MGST1: variants seen among roughly 807,000 people sequenced by gnomAD.
MGST1 encodes the protein microsomal glutathione S-transferase 1.
In MGST1, 5 loss-of-function variants were observed where a neutral mutation model predicts 8.9. The ratio of observed to expected loss-of-function variants is 0.56; its 90% CI spans 0.29 to 1.19. MGST1 has a LOEUF of 1.19. Ranked by LOEUF, MGST1 falls within the 50% of genes most tolerant of loss-of-function variation. The probability of loss-of-function intolerance (pLI) is 0.08; values close to 1 mark genes in which losing one functional copy is unlikely to be tolerated. For synonymous variants in MGST1, 54 were observed against 67.8 expected, an observed-to-expected ratio of 0.80 and a Z score of 1.00; for missense variants, 182 against 187.4, an observed-to-expected ratio of 0.97 and a Z score of 0.17.
intron 4 of MGST1, among the ~76,000 whole-genome samples, chr12:16,475,623 G>A (rs1941317712): frequency 6.6e-6 from 1 of 152,166 alleles, no homozygotes; most frequent in Non-Finnish European, 1.5e-5. Context: ...GAGGAGTGGA[G>A]TAGATAGCAA....
intron 4 of MGST1, among the ~76,000 whole-genome samples, chr12:16,512,004 T>G (rs1327473438): frequency 6.6e-6 from 1 of 152,220 alleles, no homozygotes; most frequent in Non-Finnish European, 1.5e-5. Flanking sequence ...TATATTTTTA[T>G]TTAGAAACAA....
chr12:16,451,934 T>C (rs1218383969), intron 4 of MGST1, among the ~76,000 whole-genome samples: 1 of 151,896 alleles, frequency 6.6e-6, no homozygotes, highest in Non-Finnish European at 1.5e-5. Context: ...TTAGCCATTT[T>C]AGGATAAAAT....
intron 4 of MGST1, among the ~76,000 whole-genome samples, chr12:16,480,025 GAATA>G (rs1941354021): frequency 6.6e-6 from 1 of 151,266 alleles, no homozygotes; most frequent in African/African-American, 2.4e-5. Context: ...GGAAACATAA[GAATA>G]AATCTTTATA....
chr12:16,563,000 C>G (rs1002546657), intron 4 of MGST1, among the ~76,000 whole-genome samples: 2 of 152,158 alleles, frequency 1.3e-5, no homozygotes, highest in African/African-American at 4.8e-5. Flanking sequence ...CTTAATTATT[C>G]TCTGCTGTAA....
intron 1 of MGST1, among the ~76,000 whole-genome samples, chr12:16,430,875 C>T (rs1940933048): frequency 6.6e-6 from 1 of 152,184 alleles, no homozygotes; most frequent in Non-Finnish European, 1.5e-5. Flanking sequence ...TTGGCTTCTC[C>T]TCTCTAGCTG....
chr12:16,506,228 C>T (rs1565466226), intron 4 of MGST1, among the ~76,000 whole-genome samples: 1 of 152,078 alleles, frequency 6.6e-6, no homozygotes, highest in Non-Finnish European at 1.5e-5. Flanking sequence ...GCCCTCATTC[C>T]CTGAACCCGA....
chr12:16,495,970 AC>A (rs1316104859), intron 4 of MGST1, among the ~76,000 whole-genome samples: 1 of 152,104 alleles, frequency 6.6e-6, no homozygotes, highest in Non-Finnish European at 1.5e-5. Context: ...TATTTATATG[AC>A]AAAAATATGA....
intron 4 of MGST1, among the ~76,000 whole-genome samples, chr12:16,493,558 G>C (rs575314150): frequency 6.6e-6 from 1 of 152,260 alleles, no homozygotes; most frequent in Admixed American, 6.5e-5. Context: ...GCCAAGTCCT[G>C]ATATAGCAGT....
At chr12:16,542,278 C>T (rs1328236714) in intron 4 of MGST1, among the ~76,000 whole-genome samples, 1 of 152,118 alleles carries the variant, frequency 6.6e-6, no homozygotes, top group Non-Finnish European at 1.5e-5. Flanking sequence ...GGTCCATATG[C>T]TGTTAGTAAG....
At chr12:16,507,126 C>G (rs1445664934) in intron 4 of MGST1, among the ~76,000 whole-genome samples, 4 of 152,078 alleles carry the variant, frequency 2.6e-5, no homozygotes, top group African/African-American at 9.7e-5. Context: ...AGAGAGTCTT[C>G]AAAGATGAAG....
At chr12:16,521,582 A>G (rs1025900549) in intron 4 of MGST1, among the ~76,000 whole-genome samples, 4 of 152,158 alleles carry the variant, frequency 2.6e-5, no homozygotes, top group Admixed American at 2.6e-4. Context: ...GTACTGAGAG[A>G]TTCAGAATCA....
chr12:16,466,179 G>C (rs905525459), intron 4 of MGST1, among the ~76,000 whole-genome samples: 4 of 152,078 alleles, frequency 2.6e-5, no homozygotes, highest in Admixed American at 2.6e-4. Flanking sequence ...TCTGATTTCT[G>C]CTCACATTCA....
intron 1 of MGST1, among the ~76,000 whole-genome samples, chr12:16,426,614 A>C (rs1394519689): frequency 6.6e-6 from 1 of 152,160 alleles, no homozygotes; most frequent in Non-Finnish European, 1.5e-5. Context: ...CATTTGTAGA[A>C]TGCTATACCT....
chr12:16,504,294 G>GAA (rs144541647), intron 4 of MGST1, among the ~76,000 whole-genome samples: 2 of 152,012 alleles, frequency 1.3e-5, no homozygotes, highest in African/African-American at 4.8e-5. Context: ...TTCAGCTCTT[G>GAA]AAAATCACAA....
At chr12:16,523,470 C>T (rs892196450) in intron 4 of MGST1, among the ~76,000 whole-genome samples, 1 of 152,022 alleles carries the variant, frequency 6.6e-6, no homozygotes, top group African/African-American at 2.4e-5. Context: ...TTCCAGGAAG[C>T]TTTCATGCCT....
chr12:16,412,413 G>A (rs923034820), intron 1 of MGST1, among the ~76,000 whole-genome samples: 1 of 152,166 alleles, frequency 6.6e-6, no homozygotes, highest in African/African-American at 2.4e-5. Context: ...TTGGAAATTG[G>A]TCAGAGGCAT....
intron 4 of MGST1, among the ~76,000 whole-genome samples, chr12:16,488,047 G>C (rs1941411486): frequency 6.6e-6 from 1 of 152,108 alleles, no homozygotes; most frequent in South Asian, 2.1e-4. Context: ...AGAAATAAAG[G>C]ATTGATCAAG....
At chr12:16,566,819 T>C (rs1229075580) in intron 4 of MGST1, among the ~76,000 whole-genome samples, 2 of 152,072 alleles carry the variant, frequency 1.3e-5, no homozygotes, top group African/African-American at 2.4e-5. Context: ...AACATGCACA[T>C]ACACACATAA....
At chr12:16,534,733 A>G (rs941395731) in intron 4 of MGST1, among the ~76,000 whole-genome samples, 5 of 152,182 alleles carry the variant, frequency 3.3e-5, no homozygotes, top group Admixed American at 1.3e-4. Context: ...TAGGTTTGGT[A>G]GAAGCAATGG....
Sources: allele counts gnomAD v4.1 joint callset (sites outside exome capture counted in the v4.1 genomes callset), GRCh38; gene constraint gnomAD v4.1.1; transcripts MANE v1.5; gene names NCBI Gene and HGNC (gene_info 2026-07-23, HGNC 2026-07-21).